Variants in WDFY3 observed in about 807,000 individuals in gnomAD.
WDFY3 encodes the protein WD repeat and FYVE domain containing 3.
Under a neutral mutation model 409.6 loss-of-function variants are expected in WDFY3, and 66 were observed. That is an observed-to-expected ratio of 0.16 (90% confidence interval 0.13 to 0.20). WDFY3 has a LOEUF of 0.20. Ranked by LOEUF, WDFY3 falls within the 10% of genes least tolerant of loss-of-function variation. The pLI is 1.00. For missense variants in WDFY3, 3,031 were observed against 4,298.1 expected (o/e 0.71, Z 8.24); for synonymous variants, 1,521 against 1,537.1 (o/e 0.99, Z 0.25).
At position 84,803,174 on chromosome 4, in the gene WDFY3, C is replaced by T. The variant is rs1750924394; in HGVS notation, c.2607+116G>A. Reference sequence around the variant, plus strand: ...AAAAATCCTTTTTTTTCCCCTTCAGCTACTTTAGTATGTAATATTAACTTT... The same window carrying T: ...AAAAATCCTTTTTTTTCCCCTTCAGTTACTTTAGTATGTAATATTAACTTT... On this transcript the variant is annotated intron_variant, in intron 16 of 67. Transcript: ENST00000295888. The T allele has an allele frequency of 1.8e-6, 2 of 1,138,494 alleles. No individual in the cohort carries two copies. Among genetic ancestry groups the T allele is most frequent in the Non-Finnish European group, 2.3e-6 (2 of 864,020 alleles). 70.5% of individuals were successfully genotyped at this position (1,138,494 alleles called of 1,614,324 possible). A position where few individuals can be genotyped will look rare whatever the true frequency, so the allele number is the denominator to read the frequency against.
chr4:84,961,556 T>C (rs1245900709), intron 1 of WDFY3, among the ~76,000 whole-genome samples: 2 of 152,186 alleles, frequency 1.3e-5, no homozygotes, highest in Admixed American at 1.3e-4. Context: ...AAAAGTAATT[T>C]TAACAACATG....
At chr4:84,931,927 AAAC>A in intron 2 of WDFY3, among the ~76,000 whole-genome samples, 1 of 152,324 alleles carries the variant, frequency 6.6e-6, no homozygotes, top group East Asian at 1.9e-4. Context: ...TGTGCTTTAA[AAAC>A]AACTACATTT....
intron 2 of WDFY3, among the ~76,000 whole-genome samples, chr4:84,924,992 A>C (rs1769783230): frequency 6.6e-6 from 1 of 152,162 alleles, no homozygotes; most frequent in South Asian, 2.1e-4. Flanking sequence ...TAATGCTCAC[A>C]ATCTCCTTTG....
At chr4:84,848,414 G>A (rs1406074689) in intron 5 of WDFY3, among the ~76,000 whole-genome samples, 1 of 152,180 alleles carries the variant, frequency 6.6e-6, no homozygotes, top group Non-Finnish European at 1.5e-5. Context: ...CTTAAAGGAT[G>A]ACTGATAATA....
intron 7 of WDFY3, among the ~76,000 whole-genome samples, chr4:84,833,545 T>C (rs1193130065): frequency 6.6e-6 from 1 of 151,976 alleles, no homozygotes; most frequent in Non-Finnish European, 1.5e-5. Context: ...GGCAAGTTAC[T>C]CAGGAGGCTG....
chr4:84,874,557 C>T (rs949313272), intron 3 of WDFY3, among the ~76,000 whole-genome samples: 7 of 152,154 alleles, frequency 4.6e-5, no homozygotes, highest in African/African-American at 1.4e-4. Flanking sequence ...ACTCTAAATT[C>T]TGCCACACTG....
At chr4:84,705,365 A>C (rs1029627236) in intron 54 of WDFY3, 29 bp downstream of exon 54, 2 of 1,585,244 alleles carry the variant, frequency 1.3e-6, no homozygotes, top group African/African-American at 2.7e-5. Flanking sequence ...ACTTGGGTAC[A>C]AAGTCCAATG....
chr4:84,908,867 T>C (rs1008371295), intron 2 of WDFY3, among the ~76,000 whole-genome samples: 1 of 152,192 alleles, frequency 6.6e-6, no homozygotes, highest in Non-Finnish European at 1.5e-5. Flanking sequence ...GAACTCTTTC[T>C]AAGCTATAAT....
intron 32 of WDFY3, among the ~76,000 whole-genome samples, chr4:84,763,485 C>A (rs1743070658): frequency 6.6e-6 from 1 of 151,598 alleles, no homozygotes; most frequent in South Asian, 2.1e-4. Flanking sequence ...CACCATGGCA[C>A]ATGTATACAT....
intron 10 of WDFY3, among the ~76,000 whole-genome samples, chr4:84,822,496 C>A (rs2149833157): frequency 6.6e-6 from 1 of 152,034 alleles, no homozygotes. Flanking sequence ...TCTAGACTAG[C>A]CTGGGTAACA....
intron 12 of WDFY3, 27 bp from the exon 13 acceptor site, chr4:84,817,612 A>T: frequency 6.4e-7 from 1 of 1,567,514 alleles, no homozygotes; most frequent in South Asian, 1.2e-5. Flanking sequence ...AAAGTCCAAC[A>T]ATGGCTACTT....
At chr4:84,750,674 T>C (rs1184296363) in intron 36 of WDFY3, among the ~76,000 whole-genome samples, 1 of 152,246 alleles carries the variant, frequency 6.6e-6, no homozygotes, top group Non-Finnish European at 1.5e-5. Flanking sequence ...GTATTAAATT[T>C]TCTCTCTGTG....
intron 2 of WDFY3, among the ~76,000 whole-genome samples, chr4:84,922,175 T>C (rs930417860): frequency 1.3e-5 from 2 of 152,152 alleles, no homozygotes; most frequent in Admixed American, 6.6e-5. Context: ...ATGTTGAATG[T>C]CAAGTTGCAC....
chr4:84,781,329 T>C (rs763521475), intron 25 of WDFY3, among the ~76,000 whole-genome samples: 7 of 151,900 alleles, frequency 4.6e-5, no homozygotes, highest in South Asian at 2.1e-4. Context: ...AAAAGTAACA[T>C]GCATATTATA....
Position 84,837,022 on chromosome 4 carries a change from A to G in WDFY3, c.483T>C (p.Phe161=), listed in dbSNP as rs1345472901. ...STLVKCLYLF[F]DLPHVPEAVG... ...CTGCCTCAGGCACATGTGGAAGGTC[A>G]AAAAACAGATATAAACATTTAACCA... The change falls in exon 7 of 68, where the codon TTT becomes TTC. Residue 161 remains phenylalanine (F), a synonymous_variant. Coordinates refer to ENST00000295888, the MANE Select transcript of WDFY3 (RefSeq NM_014991.6). 1.9e-6 allele frequency: 3 copies of G among 1,599,452 alleles called. No homozygotes were observed. The highest frequency in any genetic ancestry group is 1.7e-6 in the Non-Finnish European group (2 of 1,173,108).
chr4:84,699,496 A>G (rs1223979618), intron 56 of WDFY3, among the ~76,000 whole-genome samples: 1 of 152,170 alleles, frequency 6.6e-6, no homozygotes, highest in African/African-American at 2.4e-5. Context: ...CCATTCGGTT[A>G]TTGTGAATAA....
chr4:84,787,651 C>A lies in WDFY3; in HGVS notation c.3732G>T (p.Thr1244=), dbSNP rs150471140. 1.2e-6 allele frequency: 2 copies of A among 1,614,104 alleles called. No homozygotes were observed. The highest frequency in any genetic ancestry group is 1.7e-5 in the Admixed American group (1 of 60,020). ...GTGGAGTACCAATGTAGGCATAGAC[C>A]GTGCTCACCACTGGTGGATTTGCCG... The part of the protein sequence containing the change: ...SGSANPPVVS[T]VYAYIGTPPA... The change falls in exon 23 of 68, where the codon ACG becomes ACT. Residue 1244 remains threonine (T), a synonymous_variant. Coordinates refer to ENST00000295888, the MANE Select transcript of WDFY3 (RefSeq NM_014991.6).
chr4:84,732,096 T>C (rs1163998495), intron 44 of WDFY3, among the ~76,000 whole-genome samples: 1 of 152,174 alleles, frequency 6.6e-6, no homozygotes, highest in African/African-American at 2.4e-5. Flanking sequence ...TACACAGTGC[T>C]CCAGAATTAG....
At chr4:84,817,022 G>A (rs1459804955) in intron 13 of WDFY3, among the ~76,000 whole-genome samples, 1 of 152,010 alleles carries the variant, frequency 6.6e-6, no homozygotes, top group Non-Finnish European at 1.5e-5. Context: ...ATACATATAT[G>A]CATGCATGTG....
Sources: gnomAD v4.1 joint callset for allele counts (sites outside exome capture counted in the v4.1 genomes callset) on GRCh38, gnomAD v4.1.1 for gene constraint, MANE v1.5 for transcripts, NCBI Gene and HGNC (gene_info 2026-07-23, HGNC 2026-07-21) for gene names.